KLHL41: variants seen among roughly 807,000 people sequenced by gnomAD.
KLHL41 encodes kelch-like protein 41.
In KLHL41, 31 loss-of-function variants were observed where a neutral mutation model predicts 49.2. The ratio of observed to expected loss-of-function variants is 0.63; its 90% CI spans 0.47 to 0.85. KLHL41 has a LOEUF of 0.85. KLHL41 is among the 40% of genes least tolerant of loss of function. The pLI is 0.00. For missense variants in KLHL41, 663 were observed against 726.7 expected (o/e 0.91, Z 1.01); for synonymous variants, 218 against 258.5 (o/e 0.84, Z 1.50).
rs1349043743 is a variant in KLHL41 at position 169,518,195 on chromosome 2, G to A, written c.1382G>A (p.Cys461Tyr). ...CLGGKTDDKK[C>Y]TNRVFIFNPK... ...ATTTGTTTTTCTGTTTACAGAAAAT[G>A]TACAAACAGGGTGTTTATCTTCAAC... The change falls in exon 4 of 6, where the codon TGT becomes TAT. Residue 461 changes from cysteine to tyrosine, a missense_variant. Cys to Tyr is a radical substitution (Grantham distance 194). Transcript: ENST00000284669. The A allele has an allele frequency of 1.1e-5, 17 of 1,609,344 alleles. No individual in the cohort carries two copies. Among genetic ancestry groups the A allele is most frequent in the Non-Finnish European group, 1.4e-5 (16 of 1,177,790 alleles).
rs16857008 is a variant in KLHL41, at chr2:169,526,021, T to C, written c.*325T>C. 0.014 allele frequency: 2,343 copies of C among 173,402 alleles called. 62 individuals carry two copies. Among genetic ancestry groups the C allele is most frequent in the African/African-American group, 0.051 (2,173 of 42,410 alleles). The allele number at this position is 173,402 out of a possible 1,614,324, so 10.7% of individuals were successfully genotyped here. ...TTTCATTTGCATCATTAGGGTATCC[T>C]TAAACTGATTTTCTATTACAATTGG... On this transcript the variant is annotated 3_prime_UTR_variant, in exon 6 of 6. Coordinates refer to ENST00000284669, the MANE Select transcript of KLHL41 (RefSeq NM_006063.3).
intron 5 of KLHL41, among the ~76,000 whole-genome samples, chr2:169,522,767 G>A (rs1262057176): frequency 8.4e-6 from 1 of 118,818 alleles, no homozygotes. Context: ...CTGTCACCCA[G>A]GCTGTAGTGC....
chr2:169,520,746 C>A (rs902492423), intron 4 of KLHL41, 115 bp from the exon 5 acceptor site: 2 of 818,042 alleles, frequency 2.4e-6, no homozygotes, highest in South Asian at 1.8e-5. Flanking sequence ...AGCCACCGCG[C>A]CTGGCTGCCT....
Position 169,526,204 on chromosome 2 carries a change from G to A in KLHL41, c.*508G>A, listed in dbSNP as rs72885863. On this transcript the variant is annotated 3_prime_UTR_variant, in exon 6 of 6. Transcript: ENST00000284669. The stretch of plus-strand genomic sequence containing the variant: ...ACTTCAGAAGTGTAATAAATGGATG[G>A]GGAAATCGTTTGATGGGGAAAAGTC... 5,056 of 152,308 alleles carry A rather than the reference G, an allele frequency of 0.033. 125 individuals carry two copies. Among genetic ancestry groups the A allele is most frequent in the South Asian group, 0.064 (310 of 4,828 alleles). 9.4% of individuals were successfully genotyped at this position (152,308 alleles called of 1,614,324 possible). A position where few individuals can be genotyped will look rare whatever the true frequency, so the allele number is the denominator to read the frequency against.
intron 5 of KLHL41, among the ~76,000 whole-genome samples, chr2:169,523,405 A>G (rs1574354959): frequency 6.6e-6 from 1 of 152,126 alleles, no homozygotes; most frequent in Non-Finnish European, 1.5e-5. Flanking sequence ...ATTTTAAAAG[A>G]TCCATGGATG....
intron 3 of KLHL41, among the ~76,000 whole-genome samples, chr2:169,517,257 T>C (rs969046922): frequency 6.6e-6 from 1 of 152,172 alleles, no homozygotes; most frequent in African/African-American, 2.4e-5. Flanking sequence ...TCAATTATTA[T>C]TTGAAATTCT....
At position 169,514,552 on chromosome 2, in the gene KLHL41, CT is replaced by C. The variant is rs1411737103; in HGVS notation, c.1111-21del. ...ATTTTTTTCTAACAGGCTCCACAAT[CT>C]CTCATATATGTTTTTTTCAGCTCGA... On this transcript the variant is annotated intron_variant, in intron 1 of 5. Transcript: ENST00000284669. 11 of 1,433,904 alleles carry C rather than the reference CT, an allele frequency of 7.7e-6. No homozygotes were observed. The Admixed American group carries it at 2.1e-4, about 28-fold the overall frequency. The allele number at this position is 1,433,904 out of a possible 1,614,324, so 88.8% of individuals were successfully genotyped here.
chr2:169,518,504 A>G, intron 4 of KLHL41, 129 bp downstream of exon 4: 1 of 612,146 alleles, frequency 1.6e-6, no homozygotes, highest in Non-Finnish European at 2.7e-6. Context: ...ATTACAAAGG[A>G]AGTATTTTCA....
intron 3 of KLHL41, among the ~76,000 whole-genome samples, chr2:169,516,330 T>C (rs1423254582): frequency 3.9e-5 from 6 of 152,216 alleles, no homozygotes; most frequent in African/African-American, 1.2e-4. Context: ...GAAAAGGCGA[T>C]TTTAAAAAGC....
intron 4 of KLHL41, among the ~76,000 whole-genome samples, chr2:169,520,454 ATATT>A (rs138123347): frequency 0.049 from 7,172 of 145,420 alleles, 190 homozygotes; most frequent in East Asian, 0.14. Flanking sequence ...CGCTACTTGA[ATATT>A]TATTTTTTAT....
chr2:169,523,903 C>G (rs1574355136), intron 5 of KLHL41, among the ~76,000 whole-genome samples: 1 of 152,062 alleles, frequency 6.6e-6, no homozygotes, highest in African/African-American at 2.4e-5. Context: ...TCTAGAGAAA[C>G]GTGGCTGCCT....
At chr2:169,515,570 A>G (rs551543972) in intron 3 of KLHL41, among the ~76,000 whole-genome samples, 2 of 152,306 alleles carry the variant, frequency 1.3e-5, no homozygotes, top group Admixed American at 1.3e-4. Context: ...CTACATTAAA[A>G]CCAATGGGTT....
intron 5 of KLHL41, among the ~76,000 whole-genome samples, chr2:169,521,450 A>G (rs1307877771): frequency 1.3e-5 from 2 of 152,082 alleles, no homozygotes; most frequent in African/African-American, 2.4e-5. Flanking sequence ...CTGGAGTACA[A>G]TGGCGGGATC....
At position 169,525,787 on chromosome 2, in the gene KLHL41, C is replaced by T. The variant is rs1450390831; in HGVS notation, c.*91C>T. On this transcript the variant is annotated 3_prime_UTR_variant, in exon 6 of 6. Transcript: ENST00000284669. ...TGTTTTTTAAAAGCTTGTACAGACA[C>T]TCATGTAGAAATTATTCAAGAAGTT... 3 of 662,862 alleles carry T rather than the reference C, an allele frequency of 4.5e-6. No homozygotes were observed. Among genetic ancestry groups the T allele is most frequent in the African/African-American group, 3.6e-5 (2 of 55,154 alleles). 41.1% of individuals were successfully genotyped at this position (662,862 alleles called of 1,614,324 possible).
At position 169,509,963 on chromosome 2, in the gene KLHL41, T is replaced by G; in HGVS notation, c.185T>G (p.Phe62Cys). The change falls in exon 1 of 6, where the codon TTT becomes TGT. Residue 62 changes from phenylalanine to cysteine, a missense_variant. Around this residue, in one of 3 missense-constraint regions of KLHL41, gnomAD observed 129 missense variants for 122.1 expected, o/e 1.06. Transcript: ENST00000284669. ...SACSPYFREY[F>C]LSEIDEAKKK... ...TGTAGTCCTTACTTCCGTGAGTACT[T>G]TTTATCTGAAATTGATGAGGCGAAA... is the stretch of plus-strand genomic sequence containing the variant. 2.5e-6 allele frequency: 4 copies of G among 1,614,194 alleles called. No homozygotes were observed. Among genetic ancestry groups the G allele is most frequent in the Non-Finnish European group, 2.5e-6 (3 of 1,180,032 alleles).
In KLHL41 at chr2:169,510,241, C is replaced by T. The variant is rs200210332; in HGVS notation, c.463C>T (p.Arg155Cys). ...CTGCCCGAGACTCGCCATTTCTGCCCGTGAATTTGTGTCTGATCGCTTTGT... is the reference window on the plus strand; with the variant it reads ...CTGCCCGAGACTCGCCATTTCTGCCTGTGAATTTGTGTCTGATCGCTTTGT... ...LDCPRLAISA[R>C]EFVSDRFVQI... is the part of the protein sequence containing the mutation. The change falls in exon 1 of 6, where the codon CGT becomes TGT. Residue 155 changes from arginine to cysteine, a missense_variant. Transcript: ENST00000284669. This position sits in a 1 kb window ranked among gnomAD's most constrained non-coding sequence, Gnocchi z 4.2. The T allele has an allele frequency of 7.8e-5, 126 of 1,613,792 alleles. No homozygotes were observed. In the East Asian group the frequency reaches 2.7e-3, roughly 34 times the overall value.
chr2:169,515,799 A>G (rs1470720762), intron 3 of KLHL41, among the ~76,000 whole-genome samples: 5 of 152,208 alleles, frequency 3.3e-5, no homozygotes, highest in Admixed American at 6.5e-5. Context: ...TAAGGCAATT[A>G]TTTCCTCAGC....
chr2:169,525,085 T>TCAAA (rs1038641089), intron 5 of KLHL41, among the ~76,000 whole-genome samples: 5 of 152,186 alleles, frequency 3.3e-5, no homozygotes, highest in Non-Finnish European at 7.3e-5. Flanking sequence ...AGAGTAGTCC[T>TCAAA]CAAACAGAAC....
In KLHL41 at chr2:169,510,075, T is replaced by C; in HGVS notation, c.297T>C (p.Asn99=). The C allele has an allele frequency of 1.2e-6, 2 of 1,614,240 alleles. No individual in the cohort carries two copies. The highest frequency in any genetic ancestry group is 2.2e-5 in the South Asian group (2 of 91,082). Residue 99 remains asparagine, a synonymous_variant, in exon 1 of 6, where the codon AAT becomes AAC. Coordinates refer to ENST00000284669, the MANE Select transcript of KLHL41 (RefSeq NM_006063.3). The surrounding 1 kb of genome is among the most constrained non-coding windows in gnomAD (Gnocchi z 4.2). ...TGTACTCTGCCAGTATTGATCTCAA[T>C]GACGGAAATGTGCAAGATATTTTTG... ...KYLYSASIDL[N]DGNVQDIFAL...
Sources: gnomAD v4.1 joint callset for allele counts (sites outside exome capture counted in the v4.1 genomes callset) on GRCh38, gnomAD v4.1.1 for gene constraint, gnomAD v4.1.1 regional missense constraint, Gnocchi (gnomAD v3.1) non-coding constraint, MANE v1.5 for transcripts, NCBI Gene and HGNC (gene_info 2026-07-23, HGNC 2026-07-21) for gene names.